POU2F1: variants seen among roughly 807,000 people sequenced by gnomAD.
The protein encoded by POU2F1 is POU class 2 homeobox 1.
A neutral mutation model predicts 84.9 loss-of-function variants in POU2F1; 16 were observed. That is an observed-to-expected ratio of 0.19 (90% CI 0.13 to 0.29). POU2F1 has a LOEUF of 0.29. Ranked by LOEUF, POU2F1 falls within the 10% of genes least tolerant of loss-of-function variation. The probability of loss-of-function intolerance (pLI) is 1.00; values close to 1 mark genes in which losing one functional copy is unlikely to be tolerated. For missense variants in POU2F1, 738 were observed against 942.6 expected (o/e 0.78, Z 2.84); for synonymous variants, 368 against 368.3 (o/e 1.00, Z 0.01).
At chr1:167,243,006 T>C (rs1650028045) in intron 1 of POU2F1, among the ~76,000 whole-genome samples, 1 of 151,976 alleles carries the variant, frequency 6.6e-6, no homozygotes, top group Non-Finnish European at 1.5e-5. Context: ...GAATTCTACC[T>C]TTATTAACTC....
chr1:167,310,140 T>C (rs1210655598), intron 1 of POU2F1, among the ~76,000 whole-genome samples: 6 of 151,962 alleles, frequency 3.9e-5, no homozygotes, highest in Admixed American at 2.0e-4. Flanking sequence ...GTTAGCAAAA[T>C]ATAAATAGCA....
At position 167,221,063 on chromosome 1, in the gene POU2F1, A is replaced by C. The variant is rs778241559; in HGVS notation, c.61+105A>C. 1,013 of 1,028,040 alleles carry C rather than the reference A, an allele frequency of 9.9e-4. 4 individuals are homozygous for C. The highest frequency in any genetic ancestry group is 1.4e-3 in the Non-Finnish European group (977 of 710,018). The allele number at this position is 1,028,040 out of a possible 1,614,324, so 63.7% of individuals were successfully genotyped here. On this transcript the variant is annotated intron_variant, in intron 1 of 15. Coordinates refer to ENST00000367866, the MANE Select transcript of POU2F1 (RefSeq NM_002697.4). ...TTTATTAGTACTCAGGATTATTATAATTAACGGCGGGGAGATGGGGGGCCG... is the reference window on the plus strand; with the variant it reads ...TTTATTAGTACTCAGGATTATTATACTTAACGGCGGGGAGATGGGGGGCCG...
chr1:167,260,104 T>C (rs1651445374), intron 1 of POU2F1, among the ~76,000 whole-genome samples: 1 of 152,176 alleles, frequency 6.6e-6, no homozygotes, highest in Non-Finnish European at 1.5e-5. Flanking sequence ...GGTCTCGATC[T>C]CCTGACCTCG....
intron 1 of POU2F1, among the ~76,000 whole-genome samples, chr1:167,325,704 ACATGGTG>A (rs1414156438): frequency 1.3e-5 from 2 of 152,152 alleles, no homozygotes; most frequent in East Asian, 1.9e-4. Context: ...AGCCTGGCCA[ACATGGTG>A]AAACCCGTCT....
At chr1:167,248,626 C>G (rs1237455936) in intron 1 of POU2F1, among the ~76,000 whole-genome samples, 1 of 152,072 alleles carries the variant, frequency 6.6e-6, no homozygotes. Flanking sequence ...AAAGACTTCT[C>G]AAAGAAGATC....
chr1:167,285,592 CAAA>C (rs75529481), intron 1 of POU2F1, among the ~76,000 whole-genome samples: 1 of 118,480 alleles, frequency 8.4e-6, no homozygotes, highest in African/African-American at 3.2e-5. Context: ...GACTCCGTCT[CAAA>C]AAAAAAAAAA....
At chr1:167,345,752 GTCTT>G (rs915239489) in intron 2 of POU2F1, among the ~76,000 whole-genome samples, 13 of 152,098 alleles carry the variant, frequency 8.5e-5, no homozygotes, top group Non-Finnish European at 1.3e-4. Context: ...AATAAGGTCT[GTCTT>G]TCTGGTTTTC....
chr1:167,252,303 G>T (rs956271565), intron 1 of POU2F1, among the ~76,000 whole-genome samples: 1 of 152,118 alleles, frequency 6.6e-6, no homozygotes, highest in Non-Finnish European at 1.5e-5. Flanking sequence ...TGAAGGCCAT[G>T]CTATTTGCTA....
intron 7 of POU2F1, among the ~76,000 whole-genome samples, chr1:167,383,318 GTCA>G (rs1647707514): frequency 6.6e-6 from 1 of 152,156 alleles, no homozygotes; most frequent in African/African-American, 2.4e-5. Flanking sequence ...ATGTCAGTTT[GTCA>G]TCATGAAGCA....
rs571000920 is a variant in POU2F1, at chr1:167,299,695, GT to G, written c.62-32763del. Among the ~76,000 whole-genome samples the G allele has an allele frequency of 2.6e-4, 36 of 139,346 alleles. 1 individual carries two copies. The highest frequency in any genetic ancestry group is 7.3e-4 in the African/African-American group (26 of 35,652). The allele number at this position is 139,346 out of a possible 152,430, so 91.4% of individuals were successfully genotyped here. On this transcript the variant is annotated intron_variant, in intron 1 of 15. Coordinates refer to ENST00000367866, the MANE Select transcript of POU2F1 (RefSeq NM_002697.4). ...AACAGACTCAATTCAGGAGACCAGA[GT>G]TTTTTTTTTTTCATTTTATTTTGCT...
chr1:167,237,483 C>T (rs1446258032), intron 1 of POU2F1, among the ~76,000 whole-genome samples: 1 of 151,900 alleles, frequency 6.6e-6, no homozygotes, highest in Non-Finnish European at 1.5e-5. Context: ...TTTTCTTTTT[C>T]ATCTGCCGGT....
Position 167,401,459 on chromosome 1 carries a change from C to T in POU2F1, c.1458C>T (p.Thr486=). The stretch of plus-strand genomic sequence containing the variant: ...TCATTTCTGACCTCAAGGTGGCGAC[C>T]ACACCAAGCCTTGTGACTAGCAGTG... ...IFPSPTSLVA[T]TPSLVTSSAA... is the part of the protein sequence containing the mutation. Residue 486 remains threonine, a synonymous_variant, in exon 13 of 16, where the codon ACC becomes ACT. Transcript: ENST00000367866. The T allele has an allele frequency of 6.2e-7, 1 of 1,609,184 alleles. No individual in the cohort carries two copies. The highest frequency in any genetic ancestry group is 8.5e-7 in the Non-Finnish European group (1 of 1,177,538).
chr1:167,342,571 T>G (rs1387635572), intron 2 of POU2F1, among the ~76,000 whole-genome samples: 1 of 152,224 alleles, frequency 6.6e-6, no homozygotes, highest in African/African-American at 2.4e-5. Flanking sequence ...TTCTTCATAG[T>G]AATTTAACAA....
intron 7 of POU2F1, among the ~76,000 whole-genome samples, chr1:167,381,796 G>A (rs1283879973): frequency 6.6e-6 from 1 of 151,522 alleles, no homozygotes; most frequent in Non-Finnish European, 1.5e-5. Context: ...TTTTAGTAGA[G>A]ATGGGGTTTC....
intron 1 of POU2F1, chr1:167,329,194 T>C (rs1271441749): frequency 7.2e-6 from 11 of 1,524,236 alleles, no homozygotes; most frequent in Non-Finnish European, 1.8e-6. Flanking sequence ...TTGTTAGAAA[T>C]AGTAGTACCT....
chr1:167,233,637 G>A (rs1436278319), intron 1 of POU2F1, among the ~76,000 whole-genome samples: 1 of 152,096 alleles, frequency 6.6e-6, no homozygotes, highest in Non-Finnish European at 1.5e-5. Flanking sequence ...TAATGACATA[G>A]CATCGTTAAG....
chr1:167,267,352 A>G (rs1652038287), intron 1 of POU2F1, among the ~76,000 whole-genome samples: 1 of 151,872 alleles, frequency 6.6e-6, no homozygotes, highest in Admixed American at 6.6e-5. Flanking sequence ...AGTTTCCTAT[A>G]TTTCAGACTT....
At chr1:167,302,091 G>A (rs1010449210) in intron 1 of POU2F1, among the ~76,000 whole-genome samples, 4 of 151,432 alleles carry the variant, frequency 2.6e-5, no homozygotes, top group South Asian at 4.2e-4. Context: ...CCCCCGAGAC[G>A]GAGTCTTGCT....
intron 1 of POU2F1, among the ~76,000 whole-genome samples, chr1:167,253,425 G>T (rs1299042466): frequency 1.4e-5 from 2 of 141,598 alleles, no homozygotes; most frequent in African/African-American, 5.7e-5. Flanking sequence ...GATTATAATT[G>T]GTTAATGGGT....
Sources: allele counts gnomAD v4.1 joint callset (sites outside exome capture counted in the v4.1 genomes callset), GRCh38; gene constraint gnomAD v4.1.1; transcripts MANE v1.5; gene names NCBI Gene and HGNC (gene_info 2026-07-23, HGNC 2026-07-21).